USP38: variants seen among roughly 807,000 people sequenced by gnomAD.
USP38 encodes ubiquitin carboxyl-terminal hydrolase 38.
Under a neutral mutation model 94.3 loss-of-function variants are expected in USP38, and 49 were observed. The observed-to-expected ratio is 0.52, with a 90% confidence interval of 0.41 to 0.66. The LOEUF (loss-of-function observed/expected upper bound fraction) is 0.66, where lower values mean the gene tolerates loss of function less well. Ranked by LOEUF, USP38 falls within the 30% of genes least tolerant of loss-of-function variation. The probability of loss-of-function intolerance (pLI) is 0.00; values close to 1 mark genes in which losing one functional copy is unlikely to be tolerated. For missense variants in USP38, 1,128 were observed against 1,229.4 expected (o/e 0.92, Z 1.23); for synonymous variants, 468 against 463.6 (o/e 1.01, Z -0.12).
chr4:143,191,631 T>C (rs574448413), intron 2 of USP38, among the ~76,000 whole-genome samples: 22 of 152,346 alleles, frequency 1.4e-4, no homozygotes, highest in African/African-American at 5.0e-4. Flanking sequence ...GTACTTTTCT[T>C]TAGCTATATA....
intron 6 of USP38, among the ~76,000 whole-genome samples, chr4:143,207,196 C>A (rs559255225): frequency 1.3e-5 from 2 of 152,150 alleles, no homozygotes; most frequent in African/African-American, 4.8e-5. Context: ...AAATTAAGTT[C>A]TAAGCTTTTC....
At chr4:143,197,059 G>A (rs1008030886) in intron 3 of USP38, among the ~76,000 whole-genome samples, 2 of 152,164 alleles carry the variant, frequency 1.3e-5, no homozygotes, top group African/African-American at 4.8e-5. Context: ...AAGGTCCTAT[G>A]TATTCTGGCC....
At chr4:143,189,328 TC>T (rs1454516965) in intron 2 of USP38, among the ~76,000 whole-genome samples, 1 of 152,072 alleles carries the variant, frequency 6.6e-6, no homozygotes, top group Admixed American at 6.5e-5. Context: ...GTCTGTCTGT[TC>T]TTATTTAATA....
At chr4:143,204,614 C>G (rs897942192) in intron 5 of USP38, 3 of 307,340 alleles carry the variant, frequency 9.8e-6, no homozygotes, top group Non-Finnish European at 1.9e-5. Flanking sequence ...GTCTTGAATT[C>G]CTAGGCTCAA....
chr4:143,219,948 G>A (rs945653431), intron 9 of USP38, among the ~76,000 whole-genome samples: 1 of 152,006 alleles, frequency 6.6e-6, no homozygotes, highest in African/African-American at 2.4e-5. Context: ...CTATGGAAAG[G>A]CCAGAAAAAA....
chr4:143,185,454 G>A lies in USP38; in HGVS notation c.4G>A (p.Asp2Asn). 6.3e-7 allele frequency: 1 copy of A among 1,582,742 alleles called. No individual in the cohort carries two copies. Residue 2 changes from aspartate (D) to asparagine (N), a missense_variant, in exon 1 of 10, where the codon GAC becomes AAC. Asp to Asn is a conservative substitution (Grantham distance 23, BLOSUM62 1). Transcript: ENST00000307017. ...CTGGCCTTGCAGCGTGGCGACAATG[G>A]ACAAGATCCTGGAGGGCCTTGTGAG... The part of the protein sequence containing the change: M[D>N]KILEGLVSSS...
chr4:143,192,260 T>C (rs1581156174), intron 2 of USP38, among the ~76,000 whole-genome samples: 1 of 152,348 alleles, frequency 6.6e-6, no homozygotes, highest in East Asian at 1.9e-4. Flanking sequence ...ATTGGGTTAT[T>C]TATGAACAAC....
Position 143,187,814 on chromosome 4 carries a change from T to C in USP38, c.683-12T>C. 6.3e-7 allele frequency: 1 copy of C among 1,599,836 alleles called. No homozygotes were observed. The highest frequency in any genetic ancestry group is 8.5e-7 in the Non-Finnish European group (1 of 1,175,406). ...TTGCCATGTTCCCTTTTCTTTTTAA[T>C]TGAAAAAACAGATGCATCATTTGAA... On this transcript the variant is annotated splice_polypyrimidine_tract_variant and intron_variant, in intron 1 of 9. Transcript: ENST00000307017.
At position 143,220,538 on chromosome 4, in the gene USP38, T is replaced by C; in HGVS notation, c.*82T>C. The C allele has an allele frequency of 7.5e-7, 1 of 1,335,734 alleles. No homozygotes were observed. The highest frequency in any genetic ancestry group is 9.8e-7 in the Non-Finnish European group (1 of 1,019,362). 82.7% of individuals were successfully genotyped at this position (1,335,734 alleles called of 1,614,324 possible). A position where few individuals can be genotyped will look rare whatever the true frequency, so the allele number is the denominator to read the frequency against. ...AATGTCAGACTATAACAAATATCTA[T>C]CTTTTATTTTTCATTAGACCCTTAT... On this transcript the variant is annotated 3_prime_UTR_variant, in exon 10 of 10. Transcript: ENST00000307017.
Position 143,206,225 on chromosome 4 carries a change from G to A in USP38, c.1402G>A (p.Asp468Asn). The A allele has an allele frequency of 6.3e-7, 1 of 1,576,224 alleles. No individual in the cohort carries two copies. The highest frequency in any genetic ancestry group is 8.6e-7 in the Non-Finnish European group (1 of 1,163,950). Reference sequence around the variant, plus strand: ...TATACAAGCCTTGTTTATGGCCACAGAGTAAGTTTAAACTTGAATCTTTTC... The same window carrying A: ...TATACAAGCCTTGTTTATGGCCACAAAGTAAGTTTAAACTTGAATCTTTTC... ...SVIQALFMAT[D>N]FRRQVLSLNL... The change falls in exon 6 of 10, where the codon GAT becomes AAT. Residue 468 changes from aspartate (D) to asparagine (N), a missense_variant and splice_region_variant. Asp to Asn is a conservative substitution (Grantham distance 23). Transcript: ENST00000307017.
At chr4:143,199,918 C>T (rs896148507) in intron 4 of USP38, among the ~76,000 whole-genome samples, 2 of 152,068 alleles carry the variant, frequency 1.3e-5, no homozygotes, top group East Asian at 1.9e-4. Flanking sequence ...TCTCCCATTC[C>T]GTAGGTTGTC....
chr4:143,185,948 G>A lies in USP38; in HGVS notation c.498G>A (p.Thr166=). ...QCIPKGKLSI[T]FCQQLVRTIG... Reference sequence around the variant, plus strand: ...TCCCCAAGGGGAAATTGTCCATCACGTTCTGTCAACAGCTGGTTCGAACGA... The same window carrying A: ...TCCCCAAGGGGAAATTGTCCATCACATTCTGTCAACAGCTGGTTCGAACGA... Residue 166 remains threonine (T), a synonymous_variant, in exon 1 of 10, where the codon ACG becomes ACA. Transcript: ENST00000307017. The A allele has an allele frequency of 1.2e-6, 2 of 1,614,134 alleles. No individual in the cohort carries two copies. Among genetic ancestry groups the A allele is most frequent in the Non-Finnish European group, 8.5e-7 (1 of 1,180,040 alleles).
At chr4:143,208,016 C>G (rs542044536) in intron 6 of USP38, among the ~76,000 whole-genome samples, 1 of 152,066 alleles carries the variant, frequency 6.6e-6, no homozygotes, top group Non-Finnish European at 1.5e-5. Context: ...TTGTTCCAGA[C>G]CTTTTTTGGT....
At position 143,214,887 on chromosome 4, in the gene USP38, C is replaced by T; in HGVS notation, c.2911C>T (p.Pro971Ser). The change falls in exon 9 of 10, where the codon CCT (proline) becomes TCT (serine). Residue 971 changes from proline (P) to serine (S), a missense_variant. Pro to Ser is a moderately conservative substitution (Grantham distance 74). Transcript: ENST00000307017. ...TSGLWINGDP[P>S]LQKELMDAIT... Reference sequence around the variant, plus strand: ...TGGACTCTGGATAAATGGAGACCCACCTCTACAGAAAGAACTTATGGATGC... The same window carrying T: ...TGGACTCTGGATAAATGGAGACCCATCTCTACAGAAAGAACTTATGGATGC... The T allele has an allele frequency of 6.2e-7, 1 of 1,613,378 alleles. No individual in the cohort carries two copies. Among genetic ancestry groups the T allele is most frequent in the Non-Finnish European group, 8.5e-7 (1 of 1,179,638 alleles).
intron 4 of USP38, among the ~76,000 whole-genome samples, chr4:143,202,540 A>G (rs1731745959): frequency 6.6e-6 from 1 of 152,138 alleles, no homozygotes; most frequent in Admixed American, 6.5e-5. Flanking sequence ...TTAAAAATTA[A>G]TTGAAAAAAA....
intron 4 of USP38, among the ~76,000 whole-genome samples, chr4:143,202,778 A>G (rs1157350493): frequency 6.6e-6 from 1 of 152,082 alleles, no homozygotes; most frequent in Admixed American, 6.6e-5. Context: ...TTTAAAACTA[A>G]CAGAAGTTTC....
Position 143,214,936 on chromosome 4 carries a change from A to G in USP38, c.2960A>G (p.Tyr987Cys). The change falls in exon 9 of 10, where the codon TAT becomes TGT. Residue 987 changes from tyrosine (Y) to cysteine (C), a missense_variant. By Grantham distance (194) the Tyr-to-Cys change is radical (BLOSUM62 -2). Coordinates refer to ENST00000307017, the MANE Select transcript of USP38 (RefSeq NM_032557.6). ...MDAITKDNKL[Y>C]LQEQELNARA... is the part of the protein sequence containing the mutation. ...GCTATAACAAAAGACAATAAACTAT[A>G]TTTACAGGTAAGTTGGAAATACAAG... 2 of 1,610,258 alleles carry G rather than the reference A, an allele frequency of 1.2e-6. No individual in the cohort carries two copies. Among genetic ancestry groups the G allele is most frequent in the Non-Finnish European group, 1.7e-6 (2 of 1,178,700 alleles).
In USP38 at chr4:143,203,417, C is replaced by A; in HGVS notation, c.1060C>A (p.His354Asn). 2 of 1,610,878 alleles carry A rather than the reference C, an allele frequency of 1.2e-6. No homozygotes were observed. The highest frequency in any genetic ancestry group is 1.7e-5 in the Admixed American group (1 of 59,630). ...CCTTTTTTCTTTTCAGATTGTTCCT[C>A]ATGTGGTTAATTTGGTTCATTCTTT... ...SPEAFHLIVP[H>N]VVNLVHSFKN... The change falls in exon 5 of 10, where the codon CAT (histidine) becomes AAT (asparagine). Residue 354 changes from histidine to asparagine, a missense_variant. Physicochemically the swap from His to Asn is moderately conservative, Grantham distance 68 (BLOSUM62 1). Transcript: ENST00000307017.
intron 2 of USP38, among the ~76,000 whole-genome samples, chr4:143,190,904 T>C (rs925985299): frequency 1.3e-5 from 2 of 152,180 alleles, no homozygotes; most frequent in Non-Finnish European, 2.9e-5. Flanking sequence ...TCAGTGCTCT[T>C]AATTTTCCAG....
Sources: gnomAD v4.1 joint callset for allele counts (sites outside exome capture counted in the v4.1 genomes callset) on GRCh38, gnomAD v4.1.1 for gene constraint, MANE v1.5 for transcripts, NCBI Gene and HGNC (gene_info 2026-07-23, HGNC 2026-07-21) for gene names.